TACC1: variants seen among roughly 807,000 people sequenced by gnomAD.
TACC1 encodes transforming acidic coiled-coil-containing protein 1.
A neutral mutation model predicts 84.4 loss-of-function variants in TACC1; 48 were observed. That is an observed-to-expected ratio of 0.57 (90% CI 0.45 to 0.72). The LOEUF is 0.72. Ranked by LOEUF, TACC1 falls within the 30% of genes least tolerant of loss-of-function variation. The pLI, the probability that TACC1 is intolerant of heterozygous loss-of-function variation, is 0.00. For synonymous variants in TACC1, 372 were observed against 376.3 expected (o/e 0.99, Z 0.13); for missense variants, 920 against 973.0 (o/e 0.95, Z 0.72).
chr8:38,758,903 C>T (rs756223953), intron 3 of TACC1, among the ~76,000 whole-genome samples: 4 of 152,006 alleles, frequency 2.6e-5, no homozygotes, highest in Non-Finnish European at 4.4e-5. Flanking sequence ...GAGCTCATGC[C>T]GCAGCCGCCT....
chr8:38,810,954 T>A (rs1364692814), intron 2 of TACC1, among the ~76,000 whole-genome samples: 1 of 151,990 alleles, frequency 6.6e-6, no homozygotes, highest in African/African-American at 2.4e-5. Flanking sequence ...CCGCCATCTG[T>A]ACATACAAAT....
chr8:38,833,172 T>C (rs1829598419), intron 6 of TACC1, among the ~76,000 whole-genome samples: 1 of 152,224 alleles, frequency 6.6e-6, no homozygotes, highest in Non-Finnish European at 1.5e-5. Flanking sequence ...GTTGTTGTTG[T>C]TCTGATTGGT....
At chr8:38,750,676 CAACTAACATTTAGAAAGTT>C (rs1048181883) in intron 3 of TACC1, among the ~76,000 whole-genome samples, 4 of 152,180 alleles carry the variant, frequency 2.6e-5, no homozygotes, top group African/African-American at 9.7e-5. Flanking sequence ...CACATACTAG[CAACTAACATTTAGAAAGTT>C]AAGTTATAAG....
chr8:38,741,673 G>A (rs889139587), intron 1 of TACC1, among the ~76,000 whole-genome samples: 2 of 152,080 alleles, frequency 1.3e-5, no homozygotes, highest in African/African-American at 4.8e-5. Context: ...TTCCTGCCCT[G>A]CCCGTCCAAG....
chr8:38,733,105 C>T (rs921010152), intron 1 of TACC1, among the ~76,000 whole-genome samples: 1 of 152,134 alleles, frequency 6.6e-6, no homozygotes, highest in Non-Finnish European at 1.5e-5. Context: ...AGCAAGTTGC[C>T]TTCTTCACCT....
intron 3 of TACC1, among the ~76,000 whole-genome samples, chr8:38,776,975 G>T (rs1814925474): frequency 6.6e-6 from 1 of 152,278 alleles, no homozygotes; most frequent in East Asian, 1.9e-4. Flanking sequence ...AGACTTTTAG[G>T]CTGGGCACGG....
intron 1 of TACC1, among the ~76,000 whole-genome samples, chr8:38,741,481 G>A (rs149232509): frequency 0.011 from 1,662 of 152,228 alleles, 27 homozygotes; most frequent in African/African-American, 0.038. Context: ...TTTACACAGT[G>A]AACCATGAAT....
At chr8:38,782,343 T>A (rs930380287), upstream of TACC1, among the ~76,000 whole-genome samples, 6 of 151,882 alleles carry the variant, frequency 4.0e-5, no homozygotes, top group Non-Finnish European at 7.4e-5. Context: ...CTACAAAGGA[T>A]ATGAACTCAT....
At chr8:38,831,046 G>T in intron 5 of TACC1, 79 bp from the exon 6 acceptor site, 2 of 1,296,380 alleles carry the variant, frequency 1.5e-6, no homozygotes, top group Non-Finnish European at 2.2e-6. Flanking sequence ...CGCCTGCACT[G>T]GGGTTTCCAA....
chr8:38,756,214 G>A (rs1736318089), intron 3 of TACC1, among the ~76,000 whole-genome samples: 2 of 152,032 alleles, frequency 1.3e-5, no homozygotes, highest in South Asian at 4.2e-4. Flanking sequence ...ATGGGTGTAG[G>A]ATGCCTGCAT....
intron 3 of TACC1, among the ~76,000 whole-genome samples, chr8:38,761,030 C>T (rs1388084316): frequency 6.6e-6 from 1 of 152,176 alleles, no homozygotes; most frequent in East Asian, 1.9e-4. Context: ...TACAAGGCCT[C>T]TGAGAAAAGC....
chr8:38,754,854 G>A (rs545651652), intron 3 of TACC1, among the ~76,000 whole-genome samples: 2 of 152,092 alleles, frequency 1.3e-5, no homozygotes, highest in African/African-American at 2.4e-5. Context: ...AGAGGTAGTC[G>A]AAGTCTGCTA....
chr8:38,821,448 A>G (rs1239207123), intron 3 of TACC1, among the ~76,000 whole-genome samples: 1 of 152,218 alleles, frequency 6.6e-6, no homozygotes, highest in Non-Finnish European at 1.5e-5. Context: ...GAAAGCTGTG[A>G]TTTTTGTGGG....
chr8:38,794,548 G>A (rs1272040510), intron 2 of TACC1, among the ~76,000 whole-genome samples: 1 of 135,542 alleles, frequency 7.4e-6, no homozygotes, highest in African/African-American at 2.9e-5. Flanking sequence ...GACTGCACGT[G>A]TGTGTGTGTT....
chr8:38,731,522 T>C (rs905477062), intron 1 of TACC1, among the ~76,000 whole-genome samples: 1 of 152,186 alleles, frequency 6.6e-6, no homozygotes, highest in African/African-American at 2.4e-5. Context: ...AAAGAGGTTG[T>C]TGTGTTAACC....
At chr8:38,749,504 C>T (rs976584859) in intron 3 of TACC1, among the ~76,000 whole-genome samples, 3 of 152,120 alleles carry the variant, frequency 2.0e-5, no homozygotes, top group African/African-American at 7.2e-5. Flanking sequence ...AAATCCTCAA[C>T]AAAATATTAG....
At chr8:38,792,880 G>C (rs573938671) in intron 2 of TACC1, among the ~76,000 whole-genome samples, 1 of 151,508 alleles carries the variant, frequency 6.6e-6, no homozygotes, top group Admixed American at 6.6e-5. Context: ...GATTACAGGC[G>C]TGAGCTACCA....
chr8:38,807,313 T>A (rs1301638124), intron 2 of TACC1, among the ~76,000 whole-genome samples: 2 of 152,180 alleles, frequency 1.3e-5, no homozygotes, highest in African/African-American at 4.8e-5. Flanking sequence ...GCCACTTGGA[T>A]ATGAGATATT....
At chr8:38,736,492 T>C (rs1475878097) in intron 1 of TACC1, among the ~76,000 whole-genome samples, 3 of 152,138 alleles carry the variant, frequency 2.0e-5, no homozygotes. Flanking sequence ...AGCACACGCC[T>C]GTAGTCCCAG....
Sources: allele counts gnomAD v4.1 joint callset (sites outside exome capture counted in the v4.1 genomes callset), GRCh38; gene constraint gnomAD v4.1.1; transcripts MANE v1.5; gene names NCBI Gene and HGNC (gene_info 2026-07-23, HGNC 2026-07-21).